Variants in ERP44 observed in about 807,000 individuals in gnomAD.
The protein encoded by ERP44 is endoplasmic reticulum protein 44.
In ERP44, 25 loss-of-function variants were observed where a neutral mutation model predicts 53.4. The ratio of observed to expected loss-of-function variants is 0.47; its 90% CI spans 0.34 to 0.65. The LOEUF (loss-of-function observed/expected upper bound fraction) is 0.65, where lower values mean the gene tolerates loss of function less well. Among genes scored for constraint, ERP44 ranks in the 30% least tolerant of loss-of-function variants. ERP44 has a pLI of 0.01. For missense variants in ERP44, 338 were observed against 493.2 expected (o/e 0.69, Z 2.98); for synonymous variants, 145 against 161.2 (o/e 0.90, Z 0.76).
At chr9:100,072,642 C>A (rs1174484458) in intron 1 of ERP44, among the ~76,000 whole-genome samples, 1 of 152,144 alleles carries the variant, frequency 6.6e-6, no homozygotes. Flanking sequence ...CCTGCCTCAG[C>A]CTCCTGAGTA....
chr9:100,061,215 G>A (rs1436379083), intron 1 of ERP44, among the ~76,000 whole-genome samples: 1 of 152,100 alleles, frequency 6.6e-6, no homozygotes, highest in Non-Finnish European at 1.5e-5. Flanking sequence ...GGCCAAGGCG[G>A]GCAGATCACA....
At chr9:100,045,815 G>A (rs1385721156) in intron 4 of ERP44, among the ~76,000 whole-genome samples, 1 of 152,098 alleles carries the variant, frequency 6.6e-6, no homozygotes, top group Non-Finnish European at 1.5e-5. Context: ...TCCTTGCTAG[G>A]AAGCTTCTTA....
At chr9:99,983,551 C>CA (rs59132233) in intron 11 of ERP44, among the ~76,000 whole-genome samples, 1,620 of 66,502 alleles carry the variant, frequency 0.024, 52 homozygotes, top group African/African-American at 0.065. Flanking sequence ...GACTCCGTCT[C>CA]AAAAAAAAAA....
chr9:100,063,517 T>A (rs1808585416), intron 1 of ERP44, among the ~76,000 whole-genome samples: 1 of 152,194 alleles, frequency 6.6e-6, no homozygotes, highest in South Asian at 2.1e-4. Context: ...CATCTTCATG[T>A]GTCAAATGCT....
At chr9:100,020,753 T>A in intron 5 of ERP44, 22 bp from the exon 6 acceptor site, 1 of 1,276,104 alleles carries the variant, frequency 7.8e-7, no homozygotes, top group Non-Finnish European at 1.1e-6. Context: ...AGTATGCAAT[T>A]ATTTTGCAAA....
chr9:100,092,584 T>C (rs1448666092), intron 1 of ERP44, among the ~76,000 whole-genome samples: 1 of 152,212 alleles, frequency 6.6e-6, no homozygotes, highest in Non-Finnish European at 1.5e-5. Flanking sequence ...TGGAGACTAA[T>C]GAAGAGGCAA....
chr9:100,054,754 T>A (rs1284329961), intron 3 of ERP44, among the ~76,000 whole-genome samples: 3 of 152,140 alleles, frequency 2.0e-5, no homozygotes, highest in African/African-American at 7.2e-5. Flanking sequence ...TAAGGGATAC[T>A]CAACCTGTAC....
At chr9:100,053,784 T>C (rs1826061524) in intron 3 of ERP44, among the ~76,000 whole-genome samples, 1 of 152,214 alleles carries the variant, frequency 6.6e-6, no homozygotes, top group African/African-American at 2.4e-5. Context: ...CCAGCTGGGT[T>C]AGAATGGCCA....
intron 5 of ERP44, among the ~76,000 whole-genome samples, 176 bp downstream of exon 5, chr9:100,021,866 G>A (rs551141132): frequency 1.3e-5 from 2 of 152,266 alleles, no homozygotes; most frequent in South Asian, 4.1e-4. Context: ...CAGAAGTTCA[G>A]TATAACATAA....
chr9:100,036,205 T>A (rs1489513497), intron 4 of ERP44, among the ~76,000 whole-genome samples: 1 of 152,202 alleles, frequency 6.6e-6, no homozygotes, highest in African/African-American at 2.4e-5. Flanking sequence ...AACTGATTAC[T>A]ATGCAGCCAT....
At chr9:100,061,587 T>C (rs1826150295) in intron 1 of ERP44, among the ~76,000 whole-genome samples, 1 of 147,042 alleles carries the variant, frequency 6.8e-6, no homozygotes, top group Non-Finnish European at 1.5e-5. Flanking sequence ...GAAACGTATA[T>C]ATTTATAGAA....
intron 1 of ERP44, among the ~76,000 whole-genome samples, chr9:100,097,992 C>T (rs942045970): frequency 1.3e-5 from 2 of 152,154 alleles, no homozygotes; most frequent in African/African-American, 2.4e-5. Flanking sequence ...GTGTTTAGTC[C>T]TTCGCTTTTG....
intron 4 of ERP44, among the ~76,000 whole-genome samples, chr9:100,048,152 G>A (rs749559850): frequency 2.0e-5 from 3 of 152,026 alleles, no homozygotes; most frequent in Non-Finnish European, 4.4e-5. Flanking sequence ...TGAGTGGGAG[G>A]ATCCCTTGAG....
At chr9:99,985,239 C>T (rs1008838516) in intron 10 of ERP44, among the ~76,000 whole-genome samples, 170 bp from the exon 11 acceptor site, 1 of 152,142 alleles carries the variant, frequency 6.6e-6, no homozygotes, top group African/African-American at 2.4e-5. Flanking sequence ...AGCATAGTAT[C>T]CAGATACTCA....
chr9:99,980,950 C>T lies in ERP44; in HGVS notation c.*1662G>A, dbSNP rs2118590993. ...CTTTTGTTGATTATTTTTTCAAACC[C>T]AGTTACAGGATTACTATATTATTCC... On this transcript the variant is annotated 3_prime_UTR_variant, in exon 12 of 12. Transcript: ENST00000262455. 1 of 152,282 alleles carries T rather than the reference C, an allele frequency of 6.6e-6. No individual in the cohort carries two copies. Among genetic ancestry groups the T allele is most frequent in the East Asian group, 1.9e-4 (1 of 5,192 alleles). 9.4% of individuals were successfully genotyped at this position (152,282 alleles called of 1,614,324 possible). A position where few individuals can be genotyped will look rare whatever the true frequency, so the allele number is the denominator to read the frequency against.
intron 1 of ERP44, among the ~76,000 whole-genome samples, chr9:100,076,054 C>A (rs901223832): frequency 5.3e-5 from 8 of 152,168 alleles, no homozygotes; most frequent in Admixed American, 2.0e-4. Context: ...CAAGGCCCTG[C>A]CATCTTCTGC....
At chr9:99,994,019 T>A (rs578059987) in intron 10 of ERP44, among the ~76,000 whole-genome samples, 6 of 152,270 alleles carry the variant, frequency 3.9e-5, no homozygotes. Context: ...CTGGAGAGGA[T>A]GTGGAGAAAT....
chr9:100,006,269 C>T (rs1312117280), intron 10 of ERP44, among the ~76,000 whole-genome samples: 1 of 152,100 alleles, frequency 6.6e-6, no homozygotes, highest in Non-Finnish European at 1.5e-5. Context: ...ATCATCCAAG[C>T]ATTCATTATC....
At chr9:100,025,564 T>C (rs1830642516) in intron 4 of ERP44, among the ~76,000 whole-genome samples, 1 of 152,138 alleles carries the variant, frequency 6.6e-6, no homozygotes, top group Admixed American at 6.5e-5. Context: ...TAAAAATCTA[T>C]ATTCATTCAT....
Sources: gnomAD v4.1 joint callset for allele counts (sites outside exome capture counted in the v4.1 genomes callset) on GRCh38, gnomAD v4.1.1 for gene constraint, MANE v1.5 for transcripts, NCBI Gene and HGNC (gene_info 2026-07-23, HGNC 2026-07-21) for gene names.